Variants in BRINP1 observed in about 807,000 individuals in gnomAD.
BRINP1 encodes BMP/retinoic acid inducible neural specific 1.
In BRINP1, 17 loss-of-function variants were observed where a neutral mutation model predicts 72.9. That is an observed-to-expected ratio of 0.23 (90% CI 0.16 to 0.35). BRINP1 has a LOEUF of 0.35. Ranked by LOEUF, BRINP1 falls within the 10% of genes least tolerant of loss-of-function variation. The pLI is 1.00. For missense variants in BRINP1, 850 were observed against 1,001.6 expected, an observed-to-expected ratio of 0.85 and a Z score of 2.04; for synonymous variants, 418 against 378.5, an observed-to-expected ratio of 1.10 and a Z score of -1.21.
chr9:119,263,904 G>A (rs113141865), intron 2 of BRINP1, among the ~76,000 whole-genome samples: 8 of 152,142 alleles, frequency 5.3e-5, no homozygotes, highest in South Asian at 2.1e-4. Flanking sequence ...CACAGCGCCC[G>A]GCCAACAATT....
intron 7 of BRINP1, among the ~76,000 whole-genome samples, chr9:119,172,948 C>T (rs1829434357): frequency 6.6e-6 from 1 of 150,778 alleles, no homozygotes; most frequent in African/African-American, 2.5e-5. Context: ...ATGCTAAAAA[C>T]TCTCAATAAA....
At chr9:119,308,940 A>G (rs1480235427) in intron 2 of BRINP1, among the ~76,000 whole-genome samples, 2 of 151,668 alleles carry the variant, frequency 1.3e-5, no homozygotes, top group African/African-American at 4.9e-5. Context: ...TAATTGCTAA[A>G]TTTACAGCAG....
At chr9:119,203,347 T>A (rs565474936) in intron 7 of BRINP1, among the ~76,000 whole-genome samples, 1 of 152,314 alleles carries the variant, frequency 6.6e-6, no homozygotes, top group South Asian at 2.1e-4. Flanking sequence ...TCCAAGAGCA[T>A]CTACTTCACA....
At chr9:119,231,436 CAA>C (rs1830148124) in intron 5 of BRINP1, among the ~76,000 whole-genome samples, 1 of 151,998 alleles carries the variant, frequency 6.6e-6, no homozygotes, top group Non-Finnish European at 1.5e-5. Context: ...CAACATTAGA[CAA>C]AAGTTTTGTT....
intron 7 of BRINP1, among the ~76,000 whole-genome samples, chr9:119,172,821 T>C (rs1829432311): frequency 6.6e-6 from 1 of 151,984 alleles, no homozygotes; most frequent in Non-Finnish European, 1.5e-5. Context: ...GCAAGGCTGG[T>C]TCAATATACG....
At chr9:119,303,191 C>T (rs561417821) in intron 2 of BRINP1, among the ~76,000 whole-genome samples, 38 of 151,902 alleles carry the variant, frequency 2.5e-4, no homozygotes, top group African/African-American at 9.2e-4. Context: ...AAGTGCTCAG[C>T]GACGGAAGCT....
chr9:119,203,688 G>C (rs2118865569), intron 7 of BRINP1, among the ~76,000 whole-genome samples: 1 of 152,288 alleles, frequency 6.6e-6, no homozygotes, highest in South Asian at 2.1e-4. Context: ...GTTGGAATTT[G>C]AACCAAGGCA....
At chr9:119,295,096 G>T (rs987311204) in intron 2 of BRINP1, among the ~76,000 whole-genome samples, 1 of 151,834 alleles carries the variant, frequency 6.6e-6, no homozygotes, top group South Asian at 2.1e-4. Flanking sequence ...CCCACTTCTC[G>T]ATTTTAAAAT....
At chr9:119,355,371 T>C (rs1831550915) in intron 1 of BRINP1, among the ~76,000 whole-genome samples, 1 of 152,208 alleles carries the variant, frequency 6.6e-6, no homozygotes, top group Non-Finnish European at 1.5e-5. Context: ...GCTTTGTACA[T>C]GCGACATTCA....
chr9:119,280,003 A>T (rs1830692965), intron 2 of BRINP1, among the ~76,000 whole-genome samples: 1 of 152,164 alleles, frequency 6.6e-6, no homozygotes, highest in Non-Finnish European at 1.5e-5. Context: ...GTACAAAAAG[A>T]TCATAACATC....
intron 4 of BRINP1, among the ~76,000 whole-genome samples, chr9:119,239,392 G>A (rs181664421): frequency 6.6e-6 from 1 of 152,372 alleles, no homozygotes; most frequent in Admixed American, 6.5e-5. Flanking sequence ...ACCCAATCCT[G>A]TGGATGTGCA....
chr9:119,335,549 C>G (rs1564251277), intron 1 of BRINP1, among the ~76,000 whole-genome samples: 1 of 152,086 alleles, frequency 6.6e-6, no homozygotes, highest in Non-Finnish European at 1.5e-5. Context: ...TAATGAACAC[C>G]TACCCAATAT....
chr9:119,197,501 T>C (rs941816860), intron 7 of BRINP1, among the ~76,000 whole-genome samples: 1 of 152,204 alleles, frequency 6.6e-6, no homozygotes. Context: ...ATCATTTTTT[T>C]CTTACTATAA....
intron 5 of BRINP1, among the ~76,000 whole-genome samples, chr9:119,216,776 A>G (rs996143004): frequency 1.3e-5 from 2 of 152,168 alleles, no homozygotes; most frequent in Non-Finnish European, 2.9e-5. Context: ...CCAGCCCAAA[A>G]GGAATTTGGG....
At chr9:119,324,733 A>T (rs1034082329) in intron 1 of BRINP1, among the ~76,000 whole-genome samples, 5 of 152,238 alleles carry the variant, frequency 3.3e-5, no homozygotes, top group Admixed American at 6.5e-5. Flanking sequence ...TTATATACAT[A>T]CATTCATAGG....
chr9:119,282,731 C>T, intron 2 of BRINP1: 1 of 927,878 alleles, frequency 1.1e-6, no homozygotes, highest in Non-Finnish European at 1.3e-6. Context: ...GACTGGGGAA[C>T]AAGAATGTTG....
Position 119,305,257 on chromosome 9 carries a change from G to C in BRINP1, c.218+7881C>G, listed in dbSNP as rs3780716. Among the ~76,000 whole-genome samples, 1,414 of 151,996 alleles carry C rather than the reference G, an allele frequency of 9.3e-3. 46 individuals carry two copies. Among genetic ancestry groups the C allele is most frequent in the East Asian group, 0.068 (350 of 5,180 alleles). The stretch of plus-strand genomic sequence containing the variant: ...ATCTATATTTCCAGCTAGGTTTATT[G>C]AGTGAGTGTCAAACTAAAATGTATT... On this transcript the variant is annotated intron_variant, in intron 2 of 7. Transcript: ENST00000265922.
At chr9:119,348,384 G>A (rs538279744) in intron 1 of BRINP1, among the ~76,000 whole-genome samples, 38 of 152,248 alleles carry the variant, frequency 2.5e-4, no homozygotes, top group African/African-American at 3.9e-4. Context: ...AGTTGCTTCC[G>A]AGTTTTGGCA....
In BRINP1 at chr9:119,208,766, G is replaced by A. The variant is rs947456596; in HGVS notation, c.1098C>T (p.Leu366=). The A allele has an allele frequency of 5.6e-6, 9 of 1,613,784 alleles. No homozygotes were observed. In the Admixed American group the frequency reaches 1.3e-4, roughly 24 times the overall value. The change falls in exon 7 of 8, where the codon CTC becomes CTT. Residue 366 remains leucine, a synonymous_variant. Coordinates refer to ENST00000265922, the MANE Select transcript of BRINP1 (RefSeq NM_014618.3). ...IQRTARKLFG[L]SVRCRHNPNH... is the part of the protein sequence containing the mutation. ...TGGGATTGTGGCGACAGCGTACACT[G>A]AGGCCGAAAAGCTTGCGGGCAGTGC...
Sources: gnomAD v4.1 joint callset for allele counts (sites outside exome capture counted in the v4.1 genomes callset) on GRCh38, gnomAD v4.1.1 for gene constraint, MANE v1.5 for transcripts, NCBI Gene and HGNC (gene_info 2026-07-23, HGNC 2026-07-21) for gene names.